DGKB: variants seen among roughly 807,000 people sequenced by gnomAD.
DGKB encodes the protein diacylglycerol kinase beta, also known as 90 kDa diacylglycerol kinase.
DGKB carries 67 observed loss-of-function variants against 114.3 expected under a neutral mutation model. That is an observed-to-expected ratio of 0.59 (90% CI 0.48 to 0.72). DGKB has a LOEUF of 0.72. Ranked by LOEUF, DGKB falls within the 30% of genes least tolerant of loss-of-function variation. The pLI is 0.00. For synonymous variants in DGKB, 398 were observed against 323.1 expected (o/e 1.23, Z -2.49); for missense variants, 907 against 975.2 (o/e 0.93, Z 0.93).
intron 13 of DGKB, among the ~76,000 whole-genome samples, chr7:14,647,098 TAA>T (rs1554572356): frequency 5.9e-5 from 9 of 151,678 alleles, no homozygotes; most frequent in Non-Finnish European, 1.3e-4. Context: ...AAAACCTCAA[TAA>T]ATAAAACCAG....
intron 15 of DGKB, chr7:14,621,144 C>G (rs1360489821): frequency 2.5e-6 from 1 of 394,014 alleles, no homozygotes. Context: ...AGATCTCTTG[C>G]CAATTTGAGT....
chr7:14,457,535 A>T (rs1490484434), intron 21 of DGKB, among the ~76,000 whole-genome samples: 4 of 152,222 alleles, frequency 2.6e-5, no homozygotes, highest in African/African-American at 9.6e-5. Flanking sequence ...AGATTTTTTT[A>T]AAGACTGATC....
intron 2 of DGKB, among the ~76,000 whole-genome samples, chr7:14,820,803 G>A (rs1844818108): frequency 6.6e-6 from 1 of 152,142 alleles, no homozygotes; most frequent in African/African-American, 2.4e-5. Context: ...AACATAGTGT[G>A]TTTTCTCAGA....
chr7:14,743,281 G>GAA, intron 4 of DGKB, among the ~76,000 whole-genome samples: 1 of 152,264 alleles, frequency 6.6e-6, no homozygotes, highest in South Asian at 2.1e-4. Context: ...ATTTTCATGT[G>GAA]CCTTGTAAAT....
chr7:14,311,939 G>A (rs966556355), intron 23 of DGKB, among the ~76,000 whole-genome samples: 2 of 152,036 alleles, frequency 1.3e-5, no homozygotes, highest in African/African-American at 4.8e-5. Flanking sequence ...GATAGATAAT[G>A]GTATATGACA....
At chr7:14,926,079 G>T (rs996124366) in intron 1 of DGKB, among the ~76,000 whole-genome samples, 1 of 151,978 alleles carries the variant, frequency 6.6e-6, no homozygotes, top group African/African-American at 2.4e-5. Context: ...TATAATCCTA[G>T]TTTGCAGGGA....
chr7:14,928,437 C>T (rs1014326092), intron 1 of DGKB, among the ~76,000 whole-genome samples: 1 of 151,918 alleles, frequency 6.6e-6, no homozygotes, highest in Admixed American at 6.6e-5. Context: ...TCTGATCACA[C>T]ATATTTTTAT....
At chr7:14,730,805 A>G (rs1431505618) in intron 5 of DGKB, among the ~76,000 whole-genome samples, 1 of 152,190 alleles carries the variant, frequency 6.6e-6, no homozygotes, top group East Asian at 1.9e-4. Flanking sequence ...CCTTCACTAA[A>G]GCAACTCTGC....
At chr7:14,859,615 G>A (rs575393839) in intron 1 of DGKB, among the ~76,000 whole-genome samples, 12 of 152,122 alleles carry the variant, frequency 7.9e-5, no homozygotes, top group South Asian at 2.1e-4. Context: ...CAGGGTTTTC[G>A]TTTTCCTTGT....
chr7:14,542,884 C>A (rs1793692243), intron 20 of DGKB, among the ~76,000 whole-genome samples: 1 of 152,120 alleles, frequency 6.6e-6, no homozygotes, highest in African/African-American at 2.4e-5. Context: ...TTACGGAGAT[C>A]CCAGGGAGTG....
At chr7:14,570,512 G>C (rs1418722495) in intron 20 of DGKB, among the ~76,000 whole-genome samples, 1 of 152,046 alleles carries the variant, frequency 6.6e-6, no homozygotes, top group Non-Finnish European at 1.5e-5. Flanking sequence ...CTGTTGACTG[G>C]AAGCCTTACC....
chr7:14,636,516 T>C (rs1305682045), intron 13 of DGKB, among the ~76,000 whole-genome samples: 2 of 151,852 alleles, frequency 1.3e-5, no homozygotes, highest in Non-Finnish European at 1.5e-5. Context: ...ATAGAAACTT[T>C]GCTATGTAAT....
chr7:14,865,376 C>T (rs1419519835), intron 1 of DGKB, among the ~76,000 whole-genome samples: 1 of 152,148 alleles, frequency 6.6e-6, no homozygotes, highest in East Asian at 1.9e-4. Context: ...CTTGCCCTGC[C>T]TGCATGTGGA....
chr7:14,761,823 A>G (rs1274589794), intron 2 of DGKB, among the ~76,000 whole-genome samples: 2 of 152,166 alleles, frequency 1.3e-5, no homozygotes, highest in African/African-American at 2.4e-5. Flanking sequence ...TGGCCAGTGA[A>G]GTGCTAGGCA....
chr7:14,391,119 T>C (rs574025744), intron 21 of DGKB, among the ~76,000 whole-genome samples: 85 of 152,360 alleles, frequency 5.6e-4, no homozygotes, highest in African/African-American at 1.9e-3. Flanking sequence ...TTGCTAGAGG[T>C]ATTTTGTGAT....
intron 2 of DGKB, among the ~76,000 whole-genome samples, chr7:14,831,269 CT>C (rs953820518): frequency 1.3e-5 from 2 of 151,882 alleles, no homozygotes; most frequent in African/African-American, 4.8e-5. Flanking sequence ...TTTTGATTAC[CT>C]TCTGGACACT....
In DGKB at chr7:14,926,280, CCATTTG is replaced by C. The variant is rs1784746908; in HGVS notation, c.-188+48410_-188+48415del. Among the ~76,000 whole-genome samples the C allele has an allele frequency of 4.6e-5, 7 of 152,050 alleles. No homozygotes were observed. The South Asian group carries it at 1.4e-3, about 31-fold the overall frequency. ...TTAAAATTCTTGTCAGACAACCACA[CCATTTG>C]ATTCATTTTCATATTGGCATCTGTT... On this transcript the variant is annotated intron_variant, in intron 1 of 4. Transcript: ENST00000437998.
At chr7:14,844,702 G>T (rs1193711392) in intron 1 of DGKB, among the ~76,000 whole-genome samples, 1 of 152,156 alleles carries the variant, frequency 6.6e-6, no homozygotes, top group African/African-American at 2.4e-5. Context: ...GAACTAGGAT[G>T]ATTCCTGAGG....
In DGKB at chr7:14,232,838, C is replaced by T. The variant is rs189123434; in HGVS notation, c.2123-54687G>A. ...AAAAGTGCTCACTAAAGTAGCAACTCCCAGAATGATGAATCTGTCTGTTTT... is the reference window on the plus strand; with the variant it reads ...AAAAGTGCTCACTAAAGTAGCAACTTCCAGAATGATGAATCTGTCTGTTTT... On this transcript the variant is annotated intron_variant, in intron 23 of 25. Coordinates refer to ENST00000402815, the MANE Select transcript of DGKB (RefSeq NM_001350709.2). 1.6e-4 allele frequency among the ~76,000 whole-genome samples: 24 copies of T among 152,026 alleles called. No homozygotes were observed. In the East Asian group the frequency reaches 4.7e-3, roughly 30 times the overall value.
Sources: gnomAD v4.1 joint callset for allele counts (sites outside exome capture counted in the v4.1 genomes callset) on GRCh38, gnomAD v4.1.1 for gene constraint, MANE v1.5 for transcripts, NCBI Gene and HGNC (gene_info 2026-07-23, HGNC 2026-07-21) for gene names.